Variants in PRKCE observed in about 807,000 individuals in gnomAD.
PRKCE encodes the protein protein kinase C epsilon type.
PRKCE carries 16 observed loss-of-function variants against 85.4 expected under a neutral mutation model. The ratio of observed to expected loss-of-function variants is 0.19; its 90% CI spans 0.13 to 0.28. The LOEUF (loss-of-function observed/expected upper bound fraction) is 0.28. Ranked by LOEUF, PRKCE falls within the 10% of genes least tolerant of loss-of-function variation. The pLI, the probability that PRKCE is intolerant of heterozygous loss-of-function variation, is 1.00. For missense variants in PRKCE, 573 were observed against 975.2 expected (o/e 0.59, Z 5.49); for synonymous variants, 388 against 371.5 (o/e 1.04, Z -0.51).
intron 1 of PRKCE, among the ~76,000 whole-genome samples, chr2:45,761,514 A>T (rs1684499355): frequency 6.6e-6 from 1 of 152,004 alleles, no homozygotes; most frequent in Non-Finnish European, 1.5e-5. Context: ...TATTGTCTCC[A>T]TTTTATCAGA....
chr2:45,964,987 G>T (rs1036775394), intron 2 of PRKCE, among the ~76,000 whole-genome samples: 1 of 152,164 alleles, frequency 6.6e-6, no homozygotes, highest in Non-Finnish European at 1.5e-5. Flanking sequence ...GAGAAACAAC[G>T]GTTCATGTTA....
chr2:46,153,844 C>A (rs867524434), intron 13 of PRKCE, among the ~76,000 whole-genome samples: 1 of 142,422 alleles, frequency 7.0e-6, no homozygotes, highest in Non-Finnish European at 1.5e-5. Flanking sequence ...TGGAGTGCAG[C>A]GGCACGATCT....
At chr2:45,948,139 A>C (rs948452331) in intron 2 of PRKCE, among the ~76,000 whole-genome samples, 2 of 152,236 alleles carry the variant, frequency 1.3e-5, no homozygotes, top group African/African-American at 2.4e-5. Flanking sequence ...ATCACTTATT[A>C]GTGTTCATGT....
At chr2:45,971,307 C>A (rs1702092313) in intron 2 of PRKCE, among the ~76,000 whole-genome samples, 4 of 152,202 alleles carry the variant, frequency 2.6e-5, no homozygotes. Context: ...TAGCCAATAT[C>A]CTCCCATGCA....
At chr2:45,942,292 TG>T (rs1488318328) in intron 2 of PRKCE, among the ~76,000 whole-genome samples, 1 of 152,194 alleles carries the variant, frequency 6.6e-6, no homozygotes, top group East Asian at 1.9e-4. Context: ...AATGCTTATC[TG>T]GGTGCACCCT....
chr2:45,778,741 G>A (rs1685954322), intron 1 of PRKCE, among the ~76,000 whole-genome samples: 1 of 152,108 alleles, frequency 6.6e-6, no homozygotes, highest in African/African-American at 2.4e-5. Flanking sequence ...CCGGCTGATG[G>A]CCCTCCCCTC....
chr2:45,856,012 C>T (rs1692640930), intron 2 of PRKCE, among the ~76,000 whole-genome samples: 1 of 151,970 alleles, frequency 6.6e-6, no homozygotes, highest in African/African-American at 2.4e-5. Flanking sequence ...CCTCAACAAA[C>T]AAAAACAAAA....
chr2:45,766,526 T>A (rs563872082), intron 1 of PRKCE, among the ~76,000 whole-genome samples: 1 of 152,158 alleles, frequency 6.6e-6, no homozygotes, highest in South Asian at 2.1e-4. Context: ...CAGAGAGAGA[T>A]AGTTGAGGGA....
intron 1 of PRKCE, among the ~76,000 whole-genome samples, chr2:45,683,982 G>A (rs1677095571): frequency 6.6e-6 from 1 of 152,226 alleles, no homozygotes; most frequent in Non-Finnish European, 1.5e-5. Flanking sequence ...TTAGCTGGAA[G>A]TTTCAAACTG....
At chr2:46,166,404 G>T (rs766110228) in intron 14 of PRKCE, among the ~76,000 whole-genome samples, 1 of 152,346 alleles carries the variant, frequency 6.6e-6, no homozygotes, top group East Asian at 1.9e-4. Flanking sequence ...ACATCCAAGC[G>T]GCTTACCATC....
At position 45,905,436 on chromosome 2, in the gene PRKCE, A is replaced by G. The variant is rs945175191; in HGVS notation, c.412+62373A>G. On this transcript the variant is annotated intron_variant, in intron 2 of 14. Coordinates refer to ENST00000306156, the MANE Select transcript of PRKCE (RefSeq NM_005400.3). This position sits in a 1 kb window ranked among gnomAD's most constrained non-coding sequence, Gnocchi z 4.4. ...ACTAGTGCTGAGAGAGCTGAAATCT[A>G]TTTTGCTGAGGCCAAATTGGCTGTT... is the stretch of plus-strand genomic sequence containing the variant. 6.6e-6 allele frequency among the ~76,000 whole-genome samples: 1 copy of G among 152,322 alleles called. No individual in the cohort carries two copies. Among genetic ancestry groups the G allele is most frequent in the South Asian group, 2.1e-4 (1 of 4,826 alleles).
intron 1 of PRKCE, among the ~76,000 whole-genome samples, chr2:45,739,874 C>A (rs1312677559): frequency 6.6e-6 from 1 of 152,138 alleles, no homozygotes; most frequent in African/African-American, 2.4e-5. Flanking sequence ...CAACAAAAAA[C>A]CTTAAATCCT....
chr2:45,781,280 T>C (rs1404266805), intron 1 of PRKCE, among the ~76,000 whole-genome samples: 2 of 152,128 alleles, frequency 1.3e-5, no homozygotes, highest in African/African-American at 2.4e-5. Context: ...GAGGCTGCAG[T>C]GAGCCGTGAT....
At chr2:45,899,686 T>C (rs574328056) in intron 2 of PRKCE, among the ~76,000 whole-genome samples, 2 of 152,266 alleles carry the variant, frequency 1.3e-5, no homozygotes, top group South Asian at 4.1e-4. Context: ...CCTAGCCCCT[T>C]CCAAGTTTTA....
At chr2:45,863,704 G>A (rs915518021) in intron 2 of PRKCE, among the ~76,000 whole-genome samples, 1 of 152,034 alleles carries the variant, frequency 6.6e-6, no homozygotes. Flanking sequence ...AGATGACCTG[G>A]CCAGCTCTTC....
intron 2 of PRKCE, among the ~76,000 whole-genome samples, chr2:45,940,513 C>T (rs796326494): frequency 9.9e-5 from 15 of 152,212 alleles, no homozygotes; most frequent in African/African-American, 3.1e-4. Context: ...GCTTAGTAGG[C>T]CCAAGTCAGT....
intron 1 of PRKCE, among the ~76,000 whole-genome samples, chr2:45,746,200 A>G (rs1260530882): frequency 6.6e-6 from 1 of 151,944 alleles, no homozygotes; most frequent in Non-Finnish European, 1.5e-5. Context: ...ATTCAGTCCC[A>G]TACCTTTAAA....
In PRKCE at chr2:46,098,966, C is replaced by G. The variant is rs560167447; in HGVS notation, c.1592+12604C>G. Reference sequence around the variant, plus strand: ...GAGTGGTAGGGGGTACCATAGTGAGCTGAGGTAGTGGAGACTACACTTAAT... The same window carrying G: ...GAGTGGTAGGGGGTACCATAGTGAGGTGAGGTAGTGGAGACTACACTTAAT... On this transcript the variant is annotated intron_variant, in intron 11 of 14. Coordinates refer to ENST00000306156, the MANE Select transcript of PRKCE (RefSeq NM_005400.3). Among the ~76,000 whole-genome samples, 156 of 152,106 alleles carry G rather than the reference C, an allele frequency of 1.0e-3. No individual in the cohort carries two copies. The Middle Eastern group carries it at 0.014, about 13-fold the overall frequency.
rs1558734318 is a variant in PRKCE at position 45,837,874 on chromosome 2, A to G, written c.349-5126A>G. ...CACAGAGCGAGACTCTGTCTCAAAAATTTTTTTTGAAAATAACAAAACTCG... is the reference window on the plus strand; with the variant it reads ...CACAGAGCGAGACTCTGTCTCAAAAGTTTTTTTTGAAAATAACAAAACTCG... On this transcript the variant is annotated intron_variant, in intron 1 of 14. Transcript: ENST00000306156. 2.6e-5 allele frequency among the ~76,000 whole-genome samples: 4 copies of G among 152,180 alleles called. No homozygotes were observed. In the East Asian group the frequency reaches 7.7e-4, roughly 29 times the overall value.
Sources: gnomAD v4.1 joint callset for allele counts (sites outside exome capture counted in the v4.1 genomes callset) on GRCh38, gnomAD v4.1.1 for gene constraint, Gnocchi (gnomAD v3.1) non-coding constraint, MANE v1.5 for transcripts, NCBI Gene and HGNC (gene_info 2026-07-23, HGNC 2026-07-21) for gene names.